Variants in SOAT1 observed in about 807,000 individuals in gnomAD.
SOAT1 encodes sterol O-acyltransferase 1, also known as acyl-coenzyme A:cholesterol acyltransferase 1.
In SOAT1, 55 loss-of-function variants were observed where a neutral mutation model predicts 69.5. That is an observed-to-expected ratio of 0.79 (90% confidence interval 0.64 to 0.99). The LOEUF is 0.99. Among genes scored for constraint, SOAT1 ranks in the 50% least tolerant of loss-of-function variants. SOAT1 has a pLI of 0.00. For missense variants in SOAT1, 580 were observed against 669.3 expected (o/e 0.87, Z 1.47); for synonymous variants, 231 against 224.7 (o/e 1.03, Z -0.25).
chr1:179,322,744 T>G (rs979680118), intron 2 of SOAT1, among the ~76,000 whole-genome samples: 2 of 152,154 alleles, frequency 1.3e-5, no homozygotes, highest in Non-Finnish European at 2.9e-5. Context: ...TGGGGCAAAT[T>G]TTCCCTCTCT....
At position 179,350,441 on chromosome 1, in the gene SOAT1, T is replaced by A; in HGVS notation, c.1450+10T>A. ...TTCATGTTCTTTGGAAGTAAGTATC[T>A]TGGTATGCTGTGAGTACTGGGTACT... is the stretch of plus-strand genomic sequence containing the variant. On this transcript the variant is annotated intron_variant, in intron 14 of 15. Transcript: ENST00000367619. 6.2e-7 allele frequency: 1 copy of A among 1,612,980 alleles called. No individual in the cohort carries two copies. The highest frequency in any genetic ancestry group is 2.2e-5 in the East Asian group (1 of 44,850).
At chr1:179,331,026 A>G (rs1349337276) in intron 3 of SOAT1, among the ~76,000 whole-genome samples, 1 of 152,194 alleles carries the variant, frequency 6.6e-6, no homozygotes, top group Non-Finnish European at 1.5e-5. Context: ...AGGGTTGACA[A>G]ATAACAGTTT....
Position 179,323,286 on chromosome 1 carries a change from A to C in SOAT1, c.119-151A>C, listed in dbSNP as rs1158806810. 6 of 584,112 alleles carry C rather than the reference A, an allele frequency of 1.0e-5. No individual in the cohort carries two copies. In the East Asian group the frequency reaches 1.7e-4, roughly 17 times the overall value. 36.2% of individuals were successfully genotyped at this position (584,112 alleles called of 1,614,324 possible). On this transcript the variant is annotated intron_variant, in intron 2 of 15. Coordinates refer to ENST00000367619, the MANE Select transcript of SOAT1 (RefSeq NM_003101.6). ...TATTTTCATGTATAAATTTCCTTCT[A>C]GTTATTTTGACCATGCTGTCGTGTT... is the stretch of plus-strand genomic sequence containing the variant.
intron 2 of SOAT1, among the ~76,000 whole-genome samples, chr1:179,314,716 A>G (rs2124951987): frequency 6.6e-6 from 1 of 152,284 alleles, no homozygotes; most frequent in South Asian, 2.1e-4. Flanking sequence ...GGCGTGAGCC[A>G]GCACGCCTGG....
chr1:179,349,454 A>G (rs1254407125), intron 13 of SOAT1, among the ~76,000 whole-genome samples: 2 of 150,872 alleles, frequency 1.3e-5, no homozygotes, highest in African/African-American at 2.4e-5. Context: ...CAGCCTCCCA[A>G]GTAGCTGGGA....
At chr1:179,338,781 A>G (rs1666239740) in intron 5 of SOAT1, among the ~76,000 whole-genome samples, 1 of 152,162 alleles carries the variant, frequency 6.6e-6, no homozygotes, top group South Asian at 2.1e-4. Context: ...GAAACAAAAC[A>G]TGTTTTCTAT....
intron 1 of SOAT1, 43 bp downstream of exon 1, chr1:179,293,979 G>A (rs571367575): frequency 1.3e-5 from 2 of 152,552 alleles, no homozygotes; most frequent in South Asian, 4.1e-4. Context: ...TCCCGCTTGG[G>A]TCCACCGGCC....
chr1:179,339,683 C>A, intron 6 of SOAT1, 138 bp downstream of exon 6: 1 of 518,550 alleles, frequency 1.9e-6, no homozygotes, highest in Non-Finnish European at 3.4e-6. Flanking sequence ...TATTCCTTTG[C>A]CCTGAAAAGT....
At chr1:179,316,135 G>A (rs946917370) in intron 2 of SOAT1, among the ~76,000 whole-genome samples, 1 of 152,040 alleles carries the variant, frequency 6.6e-6, no homozygotes, top group African/African-American at 2.4e-5. Context: ...TCCAATATCA[G>A]CTCAGTATTT....
chr1:179,347,799 CATT>C (rs1170088131), intron 12 of SOAT1, 102 bp downstream of exon 12: 1 of 668,272 alleles, frequency 1.5e-6, no homozygotes, highest in Non-Finnish European at 2.5e-6. Flanking sequence ...TTCACACAAA[CATT>C]GTGAAATAAT....
chr1:179,353,511 A>T, intron 15 of SOAT1, 74 bp from the exon 16 acceptor site: 1 of 1,279,886 alleles, frequency 7.8e-7, no homozygotes. Flanking sequence ...TCATATTAAC[A>T]TCCCTGCCTA....
At chr1:179,335,216 C>A (rs993078512) in intron 3 of SOAT1, among the ~76,000 whole-genome samples, 5 of 151,312 alleles carry the variant, frequency 3.3e-5, no homozygotes, top group African/African-American at 1.2e-4. Flanking sequence ...TATTTGCCGG[C>A]AGTGGTGGCG....
At chr1:179,345,498 A>G (rs935519961) in intron 11 of SOAT1, among the ~76,000 whole-genome samples, 5 of 152,098 alleles carry the variant, frequency 3.3e-5, no homozygotes, top group East Asian at 1.9e-4. Context: ...CCCTTATCCA[A>G]GTTGACCTCC....
At position 179,341,166 on chromosome 1, in the gene SOAT1, G is replaced by C. The variant is rs752221497; in HGVS notation, c.636G>C (p.Lys212Asn). The C allele has an allele frequency of 6.2e-7, 1 of 1,614,106 alleles. No homozygotes were observed. Among genetic ancestry groups the C allele is most frequent in the East Asian group, 2.2e-5 (1 of 44,878 alleles). The change falls in exon 7 of 16, where the codon AAG becomes AAC. Residue 212 changes from lysine (K) to asparagine (N), a missense_variant. Transcript: ENST00000367619. Reference protein sequence around the residue: ...LFQHWATGYSKSSHPLIRSLF... With the variant: ...LFQHWATGYSNSSHPLIRSLF... ...AACATTGGGCCACTGGCTATAGCAA[G>C]AGTTCTCATCCGCTGATCCGTTCTC... is the stretch of plus-strand genomic sequence containing the variant.
chr1:179,341,783 T>A (rs1666347959), intron 7 of SOAT1, among the ~76,000 whole-genome samples: 1 of 152,182 alleles, frequency 6.6e-6, no homozygotes, highest in African/African-American at 2.4e-5. Context: ...TCCGCCTGCC[T>A]CGGCCTCCCA....
At chr1:179,319,499 A>G (rs1480119080) in intron 2 of SOAT1, among the ~76,000 whole-genome samples, 1 of 151,850 alleles carries the variant, frequency 6.6e-6, no homozygotes, top group Non-Finnish European at 1.5e-5. Flanking sequence ...CGAACTGCCG[A>G]CCTCAGGTGA....
intron 12 of SOAT1, 21 bp downstream of exon 12, chr1:179,347,718 G>A (rs1249264216): frequency 7.1e-7 from 1 of 1,409,914 alleles, no homozygotes; most frequent in Admixed American, 2.0e-5. Context: ...CTTAGACTTA[G>A]CTTTCTTTTT....
At chr1:179,324,557 G>C (rs949414978) in intron 3 of SOAT1, among the ~76,000 whole-genome samples, 1 of 152,066 alleles carries the variant, frequency 6.6e-6, no homozygotes, top group Non-Finnish European at 1.5e-5. Context: ...TGAAATTGTG[G>C]GTATAGACTC....
intron 14 of SOAT1, 68 bp from the exon 15 acceptor site, chr1:179,351,249 G>C: frequency 7.3e-7 from 1 of 1,374,264 alleles, no homozygotes; most frequent in Non-Finnish European, 1.0e-6. Context: ...TCACCATGTT[G>C]GCCAGGCTGG....
Sources: allele counts gnomAD v4.1 joint callset (sites outside exome capture counted in the v4.1 genomes callset), GRCh38; gene constraint gnomAD v4.1.1; transcripts MANE v1.5; gene names NCBI Gene and HGNC (gene_info 2026-07-23, HGNC 2026-07-21).